Variants in MDGA2 observed in about 807,000 individuals in gnomAD.
MDGA2 encodes MAM domain-containing glycosylphosphatidylinositol anchor protein 2.
In MDGA2, 40 loss-of-function variants were observed where a neutral mutation model predicts 117.8. The ratio of observed to expected loss-of-function variants is 0.34; its 90% CI spans 0.26 to 0.44. The LOEUF (loss-of-function observed/expected upper bound fraction) is 0.44. Among genes scored for constraint, MDGA2 ranks in the 20% least tolerant of loss-of-function variants. The probability of loss-of-function intolerance (pLI) is 1.00; values close to 1 mark genes in which losing one functional copy is unlikely to be tolerated. For synonymous variants in MDGA2, 452 were observed against 439.0 expected, an observed-to-expected ratio of 1.03 and a Z score of -0.37; for missense variants, 1,123 against 1,250.6, an observed-to-expected ratio of 0.90 and a Z score of 1.54.
At chr14:47,530,827 C>T (rs978523694) in intron 1 of MDGA2, among the ~76,000 whole-genome samples, 2 of 152,118 alleles carry the variant, frequency 1.3e-5, no homozygotes, top group African/African-American at 2.4e-5. Flanking sequence ...CATGAATGAG[C>T]AACATCAAAA....
At chr14:47,667,018 C>T (rs1033767608) in intron 1 of MDGA2, among the ~76,000 whole-genome samples, 1 of 152,156 alleles carries the variant, frequency 6.6e-6, no homozygotes, top group Non-Finnish European at 1.5e-5. Context: ...GGAACAAACT[C>T]CGGACACACT....
At chr14:47,067,410 T>C (rs1050316517) in intron 6 of MDGA2, among the ~76,000 whole-genome samples, 6 of 152,302 alleles carry the variant, frequency 3.9e-5, no homozygotes, top group Non-Finnish European at 7.3e-5. Context: ...GCATTTCCCT[T>C]ATGAGCATCA....
At chr14:47,140,681 T>A (rs1882679907) in intron 4 of MDGA2, among the ~76,000 whole-genome samples, 2 of 151,942 alleles carry the variant, frequency 1.3e-5, no homozygotes, top group African/African-American at 4.8e-5. Context: ...AAACATCAAC[T>A]CAAAATGAAT....
At chr14:46,986,591 C>G (rs1207773042) in intron 8 of MDGA2, among the ~76,000 whole-genome samples, 1 of 152,048 alleles carries the variant, frequency 6.6e-6, no homozygotes, top group African/African-American at 2.4e-5. Context: ...CAGATAGTCT[C>G]AAACAGGCTA....
At chr14:47,201,492 T>G (rs889110155) in intron 3 of MDGA2, among the ~76,000 whole-genome samples, 1 of 152,206 alleles carries the variant, frequency 6.6e-6, no homozygotes, top group East Asian at 1.9e-4. Context: ...TCAACCTGAC[T>G]GAAACCTTAG....
At chr14:46,899,566 G>A (rs1384940456) in intron 10 of MDGA2, among the ~76,000 whole-genome samples, 1 of 151,336 alleles carries the variant, frequency 6.6e-6, no homozygotes, top group Admixed American at 6.6e-5. Flanking sequence ...AAGAATATGG[G>A]GCTCACAGAA....
At chr14:47,466,956 T>C (rs1004481475) in intron 1 of MDGA2, among the ~76,000 whole-genome samples, 4 of 152,070 alleles carry the variant, frequency 2.6e-5, no homozygotes, top group African/African-American at 7.2e-5. Context: ...AGAAGGGTAA[T>C]TGAATTACTT....
At chr14:47,049,623 T>G (rs1206876295) in intron 7 of MDGA2, among the ~76,000 whole-genome samples, 1 of 152,042 alleles carries the variant, frequency 6.6e-6, no homozygotes, top group African/African-American at 2.4e-5. Context: ...TGCTGATCTC[T>G]GGGGTAGGAA....
chr14:47,021,774 A>G (rs905145610), intron 8 of MDGA2, among the ~76,000 whole-genome samples: 6 of 152,168 alleles, frequency 3.9e-5, no homozygotes, highest in Admixed American at 3.3e-4. Flanking sequence ...CTTTATTTGC[A>G]TAGAAAATTT....
At chr14:46,992,741 C>G (rs1475711825) in intron 8 of MDGA2, among the ~76,000 whole-genome samples, 1 of 152,066 alleles carries the variant, frequency 6.6e-6, no homozygotes, top group African/African-American at 2.4e-5. Flanking sequence ...AAAATGAGCA[C>G]AGCTGTGTAA....
intron 1 of MDGA2, among the ~76,000 whole-genome samples, chr14:47,341,672 A>G (rs1333752505): frequency 6.6e-6 from 1 of 152,198 alleles, no homozygotes; most frequent in Admixed American, 6.6e-5. Context: ...TCCTTGGAAG[A>G]AAAGTGTTAT....
intron 2 of MDGA2, among the ~76,000 whole-genome samples, chr14:47,289,579 G>A (rs921264384): frequency 1.6e-4 from 24 of 151,736 alleles, no homozygotes; most frequent in Admixed American, 1.4e-3. Flanking sequence ...CCAATTCATC[G>A]ATGTTCATGT....
At chr14:47,567,390 C>A (rs953462300) in intron 1 of MDGA2, among the ~76,000 whole-genome samples, 2 of 152,130 alleles carry the variant, frequency 1.3e-5, no homozygotes, top group Admixed American at 6.5e-5. Flanking sequence ...ACTTATCATA[C>A]ATTATCCTAG....
At chr14:47,071,396 A>G (rs1890276291) in intron 6 of MDGA2, among the ~76,000 whole-genome samples, 1 of 152,200 alleles carries the variant, frequency 6.6e-6, no homozygotes, top group Non-Finnish European at 1.5e-5. Flanking sequence ...TGAGGTGTGA[A>G]GAGACTCAAA....
chr14:47,332,744 C>T (rs1890329186), intron 1 of MDGA2, among the ~76,000 whole-genome samples: 1 of 151,790 alleles, frequency 6.6e-6, no homozygotes, highest in Non-Finnish European at 1.5e-5. Context: ...GGGCTTTTAA[C>T]GTAACCATTA....
chr14:47,256,000 C>T lies in MDGA2; in HGVS notation c.421-37805G>A, dbSNP rs543693495. On this transcript the variant is annotated intron_variant, in intron 2 of 16. Coordinates refer to ENST00000399232, the MANE Select transcript of MDGA2 (RefSeq NM_001113498.3). ...TTCCCTTCCCCTACCCCACTCTCTACATTTAGTGGGAAGTTTGATGCCCAC... is the reference window on the plus strand; with the variant it reads ...TTCCCTTCCCCTACCCCACTCTCTATATTTAGTGGGAAGTTTGATGCCCAC... Among the ~76,000 whole-genome samples the T allele has an allele frequency of 2.4e-4, 37 of 152,098 alleles. 1 individual carries two copies. Among genetic ancestry groups the T allele is most frequent in the African/African-American group, 8.7e-4 (36 of 41,504 alleles).
chr14:46,939,844 T>C (rs1431724113), intron 9 of MDGA2, among the ~76,000 whole-genome samples: 1 of 152,182 alleles, frequency 6.6e-6, no homozygotes. Context: ...ACTCAGGCTG[T>C]CCAAAGTCCA....
chr14:47,507,756 TA>T (rs1894545989), intron 1 of MDGA2, among the ~76,000 whole-genome samples: 1 of 152,196 alleles, frequency 6.6e-6, no homozygotes, highest in East Asian at 1.9e-4. Flanking sequence ...CAGAACTGCC[TA>T]AACAATTCAT....
intron 1 of MDGA2, among the ~76,000 whole-genome samples, chr14:47,511,196 G>C (rs568783713): frequency 1.6e-4 from 24 of 152,178 alleles, no homozygotes; most frequent in South Asian, 1.2e-3. Context: ...TTACTATAAT[G>C]AATTAATGAA....
Sources: gnomAD v4.1 joint callset for allele counts (sites outside exome capture counted in the v4.1 genomes callset) on GRCh38, gnomAD v4.1.1 for gene constraint, MANE v1.5 for transcripts, NCBI Gene and HGNC (gene_info 2026-07-23, HGNC 2026-07-21) for gene names.